Variants in TIMP2 observed in about 807,000 individuals in gnomAD.
TIMP2 encodes the protein TIMP metallopeptidase inhibitor 2, also known as metalloproteinase inhibitor 2.
Under a neutral mutation model 24.3 loss-of-function variants are expected in TIMP2, and 5 were observed. That is an observed-to-expected ratio of 0.21 (90% confidence interval 0.11 to 0.43). The LOEUF (loss-of-function observed/expected upper bound fraction) is 0.43, where lower values mean the gene tolerates loss of function less well. TIMP2 is among the 20% of genes least tolerant of loss of function. The pLI is 1.00. For missense variants in TIMP2, 221 were observed against 297.5 expected (o/e 0.74, Z 1.89); for synonymous variants, 130 against 123.2 (o/e 1.06, Z -0.37).
chr17:78,902,416 G>A (rs2070108700), intron 1 of TIMP2, among the ~76,000 whole-genome samples: 1 of 152,202 alleles, frequency 6.6e-6, no homozygotes, highest in Admixed American at 6.5e-5. Flanking sequence ...CCTGCACTGG[G>A]TTTTGGACTG....
At chr17:78,893,625 C>T (rs532573430) in intron 1 of TIMP2, among the ~76,000 whole-genome samples, 2 of 151,794 alleles carry the variant, frequency 1.3e-5, no homozygotes, top group East Asian at 1.9e-4. Flanking sequence ...GTGTGCATGT[C>T]GGTGTGTGTA....
At chr17:78,866,762 C>T (rs969323976) in intron 3 of TIMP2, among the ~76,000 whole-genome samples, 2 of 152,014 alleles carry the variant, frequency 1.3e-5, no homozygotes, top group African/African-American at 4.8e-5. Flanking sequence ...CTTGGAAACA[C>T]GAAAGAAGCC....
chr17:78,875,948 GGAGCT>G (rs2069724242), intron 1 of TIMP2, among the ~76,000 whole-genome samples: 1 of 152,148 alleles, frequency 6.6e-6, no homozygotes, highest in Non-Finnish European at 1.5e-5. Flanking sequence ...TTCTTCTGTT[GGAGCT>G]GAGTCATGAC....
chr17:78,895,870 G>C (rs1024633220), intron 1 of TIMP2, among the ~76,000 whole-genome samples: 1 of 152,152 alleles, frequency 6.6e-6, no homozygotes, highest in Non-Finnish European at 1.5e-5. Context: ...AAGAGCCGTT[G>C]GCTCACACCC....
intron 1 of TIMP2, chr17:78,892,249 G>A: frequency 1.3e-6 from 2 of 1,550,868 alleles, no homozygotes; most frequent in Non-Finnish European, 1.7e-6. Context: ...CTTTGCCCCG[G>A]GCTTGTAGCA....
chr17:78,919,524 T>C (rs1419494241), intron 1 of TIMP2, among the ~76,000 whole-genome samples: 2 of 152,118 alleles, frequency 1.3e-5, no homozygotes, highest in Non-Finnish European at 2.9e-5. Context: ...ATTTCTTCAC[T>C]CTGCCCTCCC....
Position 78,891,278 on chromosome 17 carries a change from G to C in TIMP2, c.131-17359C>G, listed in dbSNP as rs118160201. The C allele has an allele frequency of 1.6e-3, 2,454 of 1,550,536 alleles. 59 individuals carry two copies. The East Asian group carries it at 0.047, about 30-fold the overall frequency. Reference sequence around the variant, plus strand: ...TGCCTGCTGCGCCTCCTCCTCTGCTGGGCTCCTGGGTTCCCCGGCAGGCAG... The same window carrying C: ...TGCCTGCTGCGCCTCCTCCTCTGCTCGGCTCCTGGGTTCCCCGGCAGGCAG... On this transcript the variant is annotated intron_variant, in intron 1 of 4. Transcript: ENST00000262768. The surrounding 1 kb of genome is among the most constrained non-coding windows in gnomAD (Gnocchi z 4.5).
At chr17:78,900,683 C>T (rs1000401364) in intron 1 of TIMP2, among the ~76,000 whole-genome samples, 46 of 152,304 alleles carry the variant, frequency 3.0e-4, no homozygotes, top group African/African-American at 1.1e-3. Flanking sequence ...ATACAGATAA[C>T]CCTTGGGGGA....
At chr17:78,878,295 G>A (rs1442122525) in intron 1 of TIMP2, among the ~76,000 whole-genome samples, 1 of 152,212 alleles carries the variant, frequency 6.6e-6, no homozygotes, top group Non-Finnish European at 1.5e-5. Context: ...ACTTCACTGA[G>A]CCACAGTTGT....
intron 2 of TIMP2, among the ~76,000 whole-genome samples, chr17:78,871,987 G>A (rs560492684): frequency 3.4e-4 from 52 of 151,988 alleles, no homozygotes; most frequent in Admixed American, 1.2e-3. Context: ...CCACCATGAA[G>A]GACCATGACT....
At chr17:78,910,768 A>C (rs1482047984) in intron 1 of TIMP2, among the ~76,000 whole-genome samples, 4 of 152,164 alleles carry the variant, frequency 2.6e-5, no homozygotes. Flanking sequence ...GCAAATGACA[A>C]GATTTCATTC....
At chr17:78,879,653 C>T (rs566363280) in intron 1 of TIMP2, among the ~76,000 whole-genome samples, 2 of 152,256 alleles carry the variant, frequency 1.3e-5, no homozygotes, top group East Asian at 1.9e-4. Context: ...CCAGAAACCA[C>T]GGCCTCTCCC....
intron 1 of TIMP2, chr17:78,892,496 C>A (rs376676045): frequency 1.3e-6 from 2 of 1,519,280 alleles, no homozygotes; most frequent in Admixed American, 2.1e-5. Context: ...CTTTCCAGAT[C>A]GCTCCCAGGA....
chr17:78,892,594 G>C, intron 1 of TIMP2: 1 of 1,357,428 alleles, frequency 7.4e-7, no homozygotes. Flanking sequence ...CTCTTGACCC[G>C]TGCCCACCAG....
Position 78,896,566 on chromosome 17 carries a change from A to G in TIMP2, c.131-22647T>C, listed in dbSNP as rs1314300296. On this transcript the variant is annotated intron_variant, in intron 1 of 4. Coordinates refer to ENST00000262768, the MANE Select transcript of TIMP2 (RefSeq NM_003255.5). The surrounding 1 kb of genome is among the most constrained non-coding windows in gnomAD (Gnocchi z 4.4). Reference sequence around the variant, plus strand: ...GCTCCTCTGTCCTCCACATCCTCTGAGTGTTCTGAGCATCCTGGGCTGCTT... The same window carrying G: ...GCTCCTCTGTCCTCCACATCCTCTGGGTGTTCTGAGCATCCTGGGCTGCTT... 4.6e-5 allele frequency among the ~76,000 whole-genome samples: 7 copies of G among 152,058 alleles called. No individual in the cohort carries two copies. Among genetic ancestry groups the G allele is most frequent in the South Asian group, 2.1e-4 (1 of 4,818 alleles).
chr17:78,855,769 C>T lies in TIMP2; in HGVS notation c.561G>A (p.Gln187=), dbSNP rs1361204211. Residue 187 remains glutamine, a synonymous_variant, in exon 5 of 5, where the codon CAG becomes CAA. Coordinates refer to ENST00000262768, the MANE Select transcript of TIMP2 (RefSeq NM_003255.5). The surrounding 1 kb of genome is among the most constrained non-coding windows in gnomAD (Gnocchi z 6.0). ...TCTTGATGCAGGCGAAGAACTTGGC[C>T]TGGTGCCCGTTGATGTTCTTCTCTG... ...WVTEKNINGH[Q]AKFFACIKRS... is the part of the protein sequence containing the mutation. 1 of 1,614,212 alleles carries T rather than the reference C, an allele frequency of 6.2e-7. No homozygotes were observed.
intron 1 of TIMP2, among the ~76,000 whole-genome samples, chr17:78,905,721 C>A (rs2070152706): frequency 6.6e-6 from 1 of 152,244 alleles, no homozygotes; most frequent in Non-Finnish European, 1.5e-5. Flanking sequence ...GCAGCCCCAT[C>A]CTCTGGATTA....
At chr17:78,919,774 G>A (rs933281975) in intron 1 of TIMP2, among the ~76,000 whole-genome samples, 1 of 152,154 alleles carries the variant, frequency 6.6e-6, no homozygotes, top group African/African-American at 2.4e-5. Flanking sequence ...GGCGGAGCTT[G>A]CAGTGAGCCA....
At chr17:78,893,869 C>T (rs1240370412) in intron 1 of TIMP2, among the ~76,000 whole-genome samples, 1 of 152,132 alleles carries the variant, frequency 6.6e-6, no homozygotes, top group East Asian at 1.9e-4. Context: ...TACACCAAAA[C>T]AGTACGGGAT....
Sources: gnomAD v4.1 joint callset for allele counts (sites outside exome capture counted in the v4.1 genomes callset) on GRCh38, gnomAD v4.1.1 for gene constraint, Gnocchi (gnomAD v3.1) non-coding constraint, MANE v1.5 for transcripts, NCBI Gene and HGNC (gene_info 2026-07-23, HGNC 2026-07-21) for gene names.